Variants in PLEKHG1 observed in about 807,000 individuals in gnomAD.
PLEKHG1 encodes the protein pleckstrin homology and RhoGEF domain containing G1, also known as pleckstrin homology domain-containing family G member 1.
A neutral mutation model predicts 100.8 loss-of-function variants in PLEKHG1; 44 were observed. The observed-to-expected ratio is 0.44, with a 90% CI of 0.34 to 0.56. The LOEUF (loss-of-function observed/expected upper bound fraction) is 0.56, where lower values mean the gene tolerates loss of function less well. Ranked by LOEUF, PLEKHG1 falls within the 20% of genes least tolerant of loss-of-function variation. The pLI is 0.01. For missense variants in PLEKHG1, 1,545 were observed against 1,720.9 expected, an observed-to-expected ratio of 0.90 and a Z score of 1.81; for synonymous variants, 640 against 662.5, an observed-to-expected ratio of 0.97 and a Z score of 0.52.
intron 1 of PLEKHG1, among the ~76,000 whole-genome samples, chr6:150,608,113 C>A (rs1386856582): frequency 1.3e-5 from 2 of 152,118 alleles, no homozygotes; most frequent in African/African-American, 4.8e-5. Context: ...CACATGGAAC[C>A]CTCATGGTCC....
At chr6:150,710,335 G>A (rs1267350281) in intron 3 of PLEKHG1, among the ~76,000 whole-genome samples, 1 of 152,182 alleles carries the variant, frequency 6.6e-6, no homozygotes, top group African/African-American at 2.4e-5. Context: ...CTGTCCTTTT[G>A]TGACCCCTTC....
chr6:150,808,226 C>CA (rs201600504), intron 7 of PLEKHG1, among the ~76,000 whole-genome samples: 2,372 of 151,902 alleles, frequency 0.016, 32 homozygotes, highest in South Asian at 0.03. Flanking sequence ...AAAATTTTAA[C>CA]AAAAAAAGCA....
At chr6:150,781,677 A>C (rs1785319630) in intron 3 of PLEKHG1, among the ~76,000 whole-genome samples, 1 of 152,136 alleles carries the variant, frequency 6.6e-6, no homozygotes, top group Non-Finnish European at 1.5e-5. Flanking sequence ...TAAATATCAG[A>C]ACTATATTTT....
At chr6:150,716,600 G>A (rs554408788), upstream of PLEKHG1, among the ~76,000 whole-genome samples, 2 of 152,220 alleles carry the variant, frequency 1.3e-5, no homozygotes, top group South Asian at 4.2e-4. Flanking sequence ...AGGCCTTGCT[G>A]AGTCCCTAGA....
At position 150,658,090 on chromosome 6, in the gene PLEKHG1, C is replaced by T. The variant is rs576464876; in HGVS notation, c.-99+7304C>T. ...GCTACAGCCAACCTTACCTCCCCTC[C>T]GCCTTGTCTCCTTTCTTCCTGTCTC... On this transcript the variant is annotated intron_variant, in intron 3 of 3. Transcript: ENST00000367326. 1.4e-3 allele frequency among the ~76,000 whole-genome samples: 212 copies of T among 152,286 alleles called. 2 individuals are homozygous for T. The highest frequency in any genetic ancestry group is 3.9e-3 in the Admixed American group (59 of 15,306).
upstream of PLEKHG1, among the ~76,000 whole-genome samples, chr6:150,719,399 C>A (rs1422134612): frequency 6.6e-6 from 1 of 152,160 alleles, no homozygotes; most frequent in Non-Finnish European, 1.5e-5. Context: ...AAGCCTAGAA[C>A]CTCTGTGTAT....
At chr6:150,709,484 T>G (rs979992227) in intron 3 of PLEKHG1, among the ~76,000 whole-genome samples, 1 of 151,994 alleles carries the variant, frequency 6.6e-6, no homozygotes, top group Non-Finnish European at 1.5e-5. Flanking sequence ...CTCAAGAGAG[T>G]CTATGGAGTT....
chr6:150,743,451 G>C (rs576521881), intron 2 of PLEKHG1, among the ~76,000 whole-genome samples: 5 of 152,134 alleles, frequency 3.3e-5, no homozygotes, highest in African/African-American at 1.2e-4. Context: ...ACTTGAGCCC[G>C]GGAGGTGGAG....
At chr6:150,758,336 CTTTT>C (rs58766862) in intron 2 of PLEKHG1, among the ~76,000 whole-genome samples, 129 of 142,022 alleles carry the variant, frequency 9.1e-4, no homozygotes, top group African/African-American at 2.5e-3. Flanking sequence ...TGTTTCTTGA[CTTTT>C]TTTTTTTTTT....
chr6:150,771,785 C>T (rs2128641724), intron 3 of PLEKHG1, among the ~76,000 whole-genome samples: 1 of 152,186 alleles, frequency 6.6e-6, no homozygotes, highest in Non-Finnish European at 1.5e-5. Context: ...CTAGGCAAGA[C>T]TTAAATCTAA....
chr6:150,623,158 G>A (rs1777377730), intron 1 of PLEKHG1, among the ~76,000 whole-genome samples: 1 of 152,048 alleles, frequency 6.6e-6, no homozygotes, highest in Non-Finnish European at 1.5e-5. Flanking sequence ...GGCCTCACTT[G>A]AATATAATTC....
Position 150,630,172 on chromosome 6 carries a change from C to T in PLEKHG1, c.-203-7908C>T, listed in dbSNP as rs1193484715. The stretch of plus-strand genomic sequence containing the variant: ...AAGAATGGTACCTGGGGAATAGGTC[C>T]TGGTTAAAACATTGACTTTACTCTG... On this transcript the variant is annotated intron_variant, in intron 1 of 3. Transcript: ENST00000367326. 2.6e-5 allele frequency among the ~76,000 whole-genome samples: 4 copies of T among 152,182 alleles called. No individual in the cohort carries two copies. The East Asian group carries it at 7.7e-4, about 29-fold the overall frequency.
At chr6:150,639,563 GA>G (rs1287847329) in intron 2 of PLEKHG1, among the ~76,000 whole-genome samples, 3 of 145,918 alleles carry the variant, frequency 2.1e-5, no homozygotes, top group Non-Finnish European at 4.5e-5. Flanking sequence ...TTTTTATTTT[GA>G]AAAACAATTT....
intron 3 of PLEKHG1, 54 bp downstream of exon 4, chr6:150,768,792 C>T (rs917011220): frequency 9.8e-7 from 1 of 1,019,412 alleles, no homozygotes; most frequent in Non-Finnish European, 1.5e-6. Flanking sequence ...GAAAATTTCT[C>T]AAATGAATGC....
intron 2 of PLEKHG1, among the ~76,000 whole-genome samples, chr6:150,764,493 G>A (rs552443972): frequency 2.0e-5 from 3 of 152,252 alleles, no homozygotes; most frequent in South Asian, 2.1e-4. Context: ...GCTATGTAGC[G>A]TGGAAGATTC....
At chr6:150,800,802 C>G (rs752560556) in exon 6 of PLEKHG1, 2 of 1,613,690 alleles carry the variant, frequency 1.2e-6, no homozygotes, top group Non-Finnish European at 1.7e-6. Flanking sequence ...CTGAAACACT[C>G]GCTGCCTCTG....
chr6:150,822,671 T>C (rs1297891867), intron 13 of PLEKHG1, among the ~76,000 whole-genome samples: 3 of 152,202 alleles, frequency 2.0e-5, no homozygotes, highest in East Asian at 1.9e-4. Flanking sequence ...AAGTTGCATA[T>C]TGAATCCTTA....
chr6:150,840,729 A>G (rs1014853275), exon 16 of PLEKHG1: 2 of 1,614,216 alleles, frequency 1.2e-6, no homozygotes, highest in Admixed American at 3.3e-5. Flanking sequence ...GCGCACTCCA[A>G]AAAAGCCGGT....
intron 3 of PLEKHG1, among the ~76,000 whole-genome samples, chr6:150,781,203 A>T (rs1364261307): frequency 1.3e-5 from 2 of 149,678 alleles, no homozygotes; most frequent in African/African-American, 4.9e-5. Context: ...TTATTTTCAC[A>T]TTGAAAATCA....
Sources: gnomAD v4.1 joint callset for allele counts (sites outside exome capture counted in the v4.1 genomes callset) on GRCh38, gnomAD v4.1.1 for gene constraint, MANE v1.5 for transcripts, NCBI Gene and HGNC (gene_info 2026-07-23, HGNC 2026-07-21) for gene names.